PDE4B: variants seen among roughly 807,000 people sequenced by gnomAD.
The protein encoded by PDE4B is phosphodiesterase 4B, also known as 3',5'-cyclic-AMP phosphodiesterase 4B.
PDE4B carries 20 observed loss-of-function variants against 82.2 expected under a neutral mutation model. That is an observed-to-expected ratio of 0.24 (90% CI 0.17 to 0.35). PDE4B has a LOEUF of 0.35. Among genes scored for constraint, PDE4B ranks in the 10% least tolerant of loss-of-function variants. PDE4B has a pLI of 1.00. For synonymous variants in PDE4B, 320 were observed against 318.9 expected, an observed-to-expected ratio of 1.00 and a Z score of -0.04; for missense variants, 655 against 907.2, an observed-to-expected ratio of 0.72 and a Z score of 3.57.
At chr1:66,129,145 G>T (rs12084208) in intron 3 of PDE4B, among the ~76,000 whole-genome samples, 2 of 152,176 alleles carry the variant, frequency 1.3e-5, no homozygotes, top group Non-Finnish European at 2.9e-5. Flanking sequence ...ATCTAGAGAC[G>T]TTGTGTTATT....
chr1:65,916,266 T>A (rs1647158447), intron 2 of PDE4B, among the ~76,000 whole-genome samples: 1 of 152,170 alleles, frequency 6.6e-6, no homozygotes, highest in Non-Finnish European at 1.5e-5. Flanking sequence ...ATATTTCAAA[T>A]TTGAAAATTT....
chr1:66,020,704 C>G (rs1479516867), intron 3 of PDE4B, among the ~76,000 whole-genome samples: 1 of 152,192 alleles, frequency 6.6e-6, no homozygotes, highest in African/African-American at 2.4e-5. Context: ...TTTTCTTAAT[C>G]CAGTCTATCA....
At chr1:66,031,012 A>G (rs572408408) in intron 3 of PDE4B, among the ~76,000 whole-genome samples, 1 of 152,318 alleles carries the variant, frequency 6.6e-6, no homozygotes, top group East Asian at 1.9e-4. Context: ...GTTGGATATT[A>G]TGCTTTCTGC....
Position 66,247,483 on chromosome 1 carries a change from C to A in PDE4B, c.305C>A (p.Ser102Tyr). ...AGCTTTGATGTGGAAAATGGCCCTT[C>A]CCCAGGTCGGAGTCCACTGGATCCC... is the stretch of plus-strand genomic sequence containing the variant. The part of the protein sequence containing the change: ...QECFDVENGP[S>Y]PGRSPLDPQA... The change falls in exon 4 of 17, where the codon TCC (serine) becomes TAC (tyrosine). Residue 102 changes from serine (S) to tyrosine (Y), a missense_variant. By Grantham distance (144) the Ser-to-Tyr change is moderately radical. Coordinates refer to ENST00000341517, the MANE Select transcript of PDE4B (RefSeq NM_002600.4). 6.3e-7 allele frequency: 1 copy of A among 1,583,834 alleles called. No individual in the cohort carries two copies. The highest frequency in any genetic ancestry group is 8.6e-7 in the Non-Finnish European group (1 of 1,167,268).
chr1:66,128,037 C>T lies in PDE4B; in HGVS notation c.282-119423C>T, dbSNP rs139423961. ...TAAATGTTTATATGTTTGACCTCAA[C>T]TGATGTAAGTGGGTTTTATTGAGCA... On this transcript the variant is annotated intron_variant, in intron 3 of 16. Coordinates refer to ENST00000341517, the MANE Select transcript of PDE4B (RefSeq NM_002600.4). Among the ~76,000 whole-genome samples, 24 of 152,242 alleles carry T rather than the reference C, an allele frequency of 1.6e-4. No individual in the cohort carries two copies. The East Asian group carries it at 3.3e-3, about 21-fold the overall frequency.
intron 3 of PDE4B, among the ~76,000 whole-genome samples, chr1:66,059,893 G>T (rs1407186902): frequency 6.6e-6 from 1 of 152,064 alleles, no homozygotes; most frequent in Non-Finnish European, 1.5e-5. Context: ...TCTTACAATG[G>T]AACCCCTGAG....
intron 3 of PDE4B, among the ~76,000 whole-genome samples, chr1:66,049,660 C>T (rs1011359286): frequency 2.6e-5 from 4 of 151,850 alleles, no homozygotes; most frequent in Admixed American, 2.6e-4. Context: ...GCATGGATTT[C>T]CTAAATAATC....
chr1:66,261,526 G>A (rs1654681868), intron 6 of PDE4B, among the ~76,000 whole-genome samples: 1 of 152,160 alleles, frequency 6.6e-6, no homozygotes, highest in African/African-American at 2.4e-5. Context: ...TTGTGTCCTA[G>A]GAGTGGTTTT....
intron 1 of PDE4B, among the ~76,000 whole-genome samples, chr1:65,877,054 T>C (rs1458407687): frequency 6.6e-6 from 1 of 152,116 alleles, no homozygotes; most frequent in Non-Finnish European, 1.5e-5. Context: ...AAAAAACTGT[T>C]TTAAATTTCA....
intron 3 of PDE4B, among the ~76,000 whole-genome samples, chr1:65,995,036 T>C (rs1651461246): frequency 6.6e-6 from 1 of 152,284 alleles, no homozygotes; most frequent in South Asian, 2.1e-4. Flanking sequence ...TAAGATGATA[T>C]TCTTTTAGTT....
rs766455604 is a variant in PDE4B, at chr1:66,257,848, A to G, written c.569A>G (p.His190Arg). The stretch of plus-strand genomic sequence containing the variant: ...AACTTCACTATACTGACAAACCTTC[A>G]TGGTACATCTAACAAGTAAGGATTG... Reference protein sequence around the residue: ...RNNFTILTNLHGTSNKRSPAA... With the variant: ...RNNFTILTNLRGTSNKRSPAA... The change falls in exon 6 of 17, where the codon CAT (histidine) becomes CGT (arginine). Residue 190 changes from histidine (H) to arginine (R), a missense_variant. By Grantham distance (29) the His-to-Arg change is conservative. Coordinates refer to ENST00000341517, the MANE Select transcript of PDE4B (RefSeq NM_002600.4). 7 of 1,612,298 alleles carry G rather than the reference A, an allele frequency of 4.3e-6. 1 individual carries two copies. In the South Asian group the frequency reaches 6.6e-5, roughly 15 times the overall value.
At chr1:66,200,289 A>G (rs782420) in intron 3 of PDE4B, among the ~76,000 whole-genome samples, 70,835 of 151,930 alleles carry the variant, frequency 0.47, 16,668 homozygotes, top group African/African-American at 0.53. Flanking sequence ...TGATGCCTCC[A>G]GCTTTGTTCT....
intron 7 of PDE4B, among the ~76,000 whole-genome samples, chr1:66,294,099 A>C (rs1657316489): frequency 6.6e-6 from 1 of 152,118 alleles, no homozygotes. Context: ...CCAGCTACTC[A>C]GGAGGCTGAG....
intron 3 of PDE4B, among the ~76,000 whole-genome samples, chr1:66,215,112 C>G (rs1650352887): frequency 6.6e-6 from 1 of 151,944 alleles, no homozygotes; most frequent in African/African-American, 2.4e-5. Context: ...CAGACAGAGC[C>G]CAGGAGGTGC....
intron 1 of PDE4B, among the ~76,000 whole-genome samples, chr1:65,894,477 A>T (rs78440342): frequency 0.019 from 2,965 of 152,246 alleles, 101 homozygotes; most frequent in African/African-American, 0.069. Flanking sequence ...TTGATCAAAG[A>T]TTTCTTAGAA....
chr1:66,026,888 A>G (rs1340575970), intron 3 of PDE4B, among the ~76,000 whole-genome samples: 1 of 152,200 alleles, frequency 6.6e-6, no homozygotes, highest in Non-Finnish European at 1.5e-5. Flanking sequence ...TCACCTTGCA[A>G]TGTTGTAACA....
At chr1:66,215,774 T>A (rs1650399240) in intron 3 of PDE4B, among the ~76,000 whole-genome samples, 1 of 152,132 alleles carries the variant, frequency 6.6e-6, no homozygotes, top group Non-Finnish European at 1.5e-5. Context: ...TAAGTATATC[T>A]CTGCCTCCCC....
At chr1:65,817,366 A>G (rs1344312852) in intron 1 of PDE4B, among the ~76,000 whole-genome samples, 1 of 152,174 alleles carries the variant, frequency 6.6e-6, no homozygotes, top group African/African-American at 2.4e-5. Context: ...AAGGTTGAAG[A>G]TTGAAATTTG....
chr1:66,021,726 A>C (rs1290421194), intron 3 of PDE4B, among the ~76,000 whole-genome samples: 2 of 152,148 alleles, frequency 1.3e-5, no homozygotes, highest in African/African-American at 4.8e-5. Flanking sequence ...CTTGTAGTAT[A>C]GTTTGAAGTC....
Sources: gnomAD v4.1 joint callset for allele counts (sites outside exome capture counted in the v4.1 genomes callset) on GRCh38, gnomAD v4.1.1 for gene constraint, MANE v1.5 for transcripts, NCBI Gene and HGNC (gene_info 2026-07-23, HGNC 2026-07-21) for gene names.